The following HDGFL3 variants were observed in gnomAD, a reference collection of about 807,000 sequenced individuals.
HDGFL3 encodes HDGF like 3, also known as hepatoma-derived growth factor-related protein 3.
HDGFL3 carries 6 observed loss-of-function variants against 27.6 expected under a neutral mutation model. The ratio of observed to expected loss-of-function variants is 0.22; its 90% CI spans 0.12 to 0.43. The LOEUF (loss-of-function observed/expected upper bound fraction) is 0.43, where lower values mean the gene tolerates loss of function less well. Among genes scored for constraint, HDGFL3 ranks in the 20% least tolerant of loss-of-function variants. The probability of loss-of-function intolerance (pLI) is 1.00; values close to 1 mark genes in which losing one functional copy is unlikely to be tolerated. For missense variants in HDGFL3, 207 were observed against 250.1 expected (o/e 0.83, Z 1.16); for synonymous variants, 88 against 88.9 (o/e 0.99, Z 0.05).
At chr15:83,206,218 G>C (rs905641417) in intron 1 of HDGFL3, among the ~76,000 whole-genome samples, 3 of 152,022 alleles carry the variant, frequency 2.0e-5, no homozygotes, top group Non-Finnish European at 4.4e-5. Flanking sequence ...TTTGTGAATG[G>C]GTGTATTTTT....
intron 1 of HDGFL3, among the ~76,000 whole-genome samples, chr15:83,188,095 A>C (rs2037468298): frequency 6.6e-6 from 1 of 152,200 alleles, no homozygotes; most frequent in Admixed American, 6.5e-5. Flanking sequence ...CTTCCCTTCC[A>C]ATCTTTGACA....
chr15:83,126,850 C>T (rs2035796136), downstream of HDGFL3: 3 of 1,605,410 alleles, frequency 1.9e-6, no homozygotes, highest in African/African-American at 2.7e-5. Flanking sequence ...AAATTCAGGT[C>T]AAGTAGTTAT....
At chr15:83,165,171 G>GC (rs1282747222) in intron 1 of HDGFL3, among the ~76,000 whole-genome samples, 1 of 152,194 alleles carries the variant, frequency 6.6e-6, no homozygotes, top group African/African-American at 2.4e-5. Flanking sequence ...CAGGTGTCTA[G>GC]CAAGTGGGGA....
intron 2 of HDGFL3, among the ~76,000 whole-genome samples, chr15:83,163,373 G>C (rs2037124412): frequency 6.6e-6 from 1 of 152,132 alleles, no homozygotes; most frequent in Non-Finnish European, 1.5e-5. Flanking sequence ...TGTTTTAGCG[G>C]TTAATGACAG....
chr15:83,188,796 T>G (rs1375313612), intron 1 of HDGFL3, among the ~76,000 whole-genome samples: 1 of 152,144 alleles, frequency 6.6e-6, no homozygotes, highest in African/African-American at 2.4e-5. Flanking sequence ...GCCACCTGTA[T>G]GTTGATGAGT....
At position 83,138,703 on chromosome 15, in the gene HDGFL3, T is replaced by C. The variant is rs1053618522; in HGVS notation, c.*567A>G. On this transcript the variant is annotated 3_prime_UTR_variant, in exon 6 of 6. Transcript: ENST00000299633. The stretch of plus-strand genomic sequence containing the variant: ...TATGAATTTTGAGAAGTATAAGCTG[T>C]CAACTAGCTATTTCTAATACGGAAT... The C allele has an allele frequency of 2.0e-5, 3 of 152,490 alleles. No homozygotes were observed. Among genetic ancestry groups the C allele is most frequent in the African/African-American group, 4.8e-5 (2 of 41,458 alleles). The allele number at this position is 152,490 out of a possible 1,614,324, so 9.4% of individuals were successfully genotyped here. A position where few individuals can be genotyped will look rare whatever the true frequency, so the allele number is the denominator to read the frequency against.
At chr15:83,125,430 G>GA (rs1215613985), downstream of HDGFL3, among the ~76,000 whole-genome samples, 2 of 152,150 alleles carry the variant, frequency 1.3e-5, no homozygotes, top group Non-Finnish European at 2.9e-5. Context: ...TGTGGCCTTG[G>GA]AAAAACTACT....
At position 83,178,786 on chromosome 15, in the gene HDGFL3, A is replaced by C. The variant is rs150990732; in HGVS notation, c.85-14711T>G. Among the ~76,000 whole-genome samples, 958 of 152,350 alleles carry C rather than the reference A, an allele frequency of 6.3e-3. 8 individuals are homozygous for C. Among genetic ancestry groups the C allele is most frequent in the Admixed American group, 0.018 (270 of 15,302 alleles). On this transcript the variant is annotated intron_variant, in intron 1 of 5. Coordinates refer to ENST00000299633, the MANE Select transcript of HDGFL3 (RefSeq NM_016073.4). ...TGTTTCAATTAATTCATTATTTATT[A>C]TTCTCAGATGTCTATGCTCCTACGT...
intron 4 of HDGFL3, among the ~76,000 whole-genome samples, chr15:83,154,175 TAAAA>T (rs1205672927): frequency 1.5e-5 from 2 of 137,014 alleles, no homozygotes. Flanking sequence ...AAAGCAAAAA[TAAAA>T]AAGCAAAAAA....
At chr15:83,190,029 G>A (rs752208158) in intron 1 of HDGFL3, among the ~76,000 whole-genome samples, 12 of 151,830 alleles carry the variant, frequency 7.9e-5, no homozygotes, top group Non-Finnish European at 1.8e-4. Flanking sequence ...AACATAGTGA[G>A]ACCTCATCTC....
chr15:83,122,247 T>A (rs77383830), intron 3 of HDGFL3, among the ~76,000 whole-genome samples: 3,578 of 152,304 alleles, frequency 0.023, 130 homozygotes, highest in African/African-American at 0.081. Flanking sequence ...CCTGTTTTTT[T>A]AGAAGGATCT....
chr15:83,206,023 A>G (rs911294274), intron 1 of HDGFL3, among the ~76,000 whole-genome samples: 1 of 152,236 alleles, frequency 6.6e-6, no homozygotes, highest in Non-Finnish European at 1.5e-5. Context: ...AGCAATGGAT[A>G]TGCAGACAGT....
intron 4 of HDGFL3, among the ~76,000 whole-genome samples, chr15:83,153,810 A>C (rs544301807): frequency 6.6e-6 from 1 of 152,178 alleles, no homozygotes; most frequent in Non-Finnish European, 1.5e-5. Flanking sequence ...CCTTACTGCT[A>C]AAGAGAGAAG....
Position 83,158,044 on chromosome 15 carries a change from G to T in HDGFL3, c.162-3C>A, listed in dbSNP as rs749063928. On this transcript the variant is annotated splice_polypyrimidine_tract_variant and splice_region_variant and intron_variant, in intron 2 of 5. Coordinates refer to ENST00000299633, the MANE Select transcript of HDGFL3 (RefSeq NM_016073.4). ...GGTCTTTGGGACCTAGAAATGCACT[G>T]CAGAGACATATTAGAAATAGAATTG... 1 of 1,593,926 alleles carries T rather than the reference G, an allele frequency of 6.3e-7. No individual in the cohort carries two copies. Among genetic ancestry groups the T allele is most frequent in the South Asian group, 1.1e-5 (1 of 88,504 alleles).
chr15:83,169,444 A>AAAAG (rs2037217778), intron 1 of HDGFL3, among the ~76,000 whole-genome samples: 9 of 146,046 alleles, frequency 6.2e-5, no homozygotes, highest in African/African-American at 1.8e-4. Context: ...AAAAAAAAAA[A>AAAAG]AAAGAAAGAA....
At chr15:83,119,517 T>C in intron 3 of HDGFL3, 3 of 1,521,960 alleles carry the variant, frequency 2.0e-6, no homozygotes, top group Non-Finnish European at 2.7e-6. Flanking sequence ...GCAATACAGG[T>C]CTGATGTTCT....
chr15:83,143,169 C>A (rs933743318), intron 5 of HDGFL3, among the ~76,000 whole-genome samples: 1 of 152,054 alleles, frequency 6.6e-6, no homozygotes, highest in Non-Finnish European at 1.5e-5. Flanking sequence ...CATGCCACCA[C>A]GCCCAGCTAA....
chr15:83,204,503 A>G (rs777955557), intron 1 of HDGFL3, among the ~76,000 whole-genome samples: 3 of 152,204 alleles, frequency 2.0e-5, no homozygotes, highest in Non-Finnish European at 4.4e-5. Context: ...TGAAAGAGCA[A>G]GTAGAATGAA....
In HDGFL3 at chr15:83,193,662, A is replaced by G. The variant is rs80120817; in HGVS notation, c.84+13669T>C. ...GGACACACCTACCAGTGCCATGTCA[A>G]TTTACCGTTGCCAGCACAACATCTG... On this transcript the variant is annotated intron_variant, in intron 1 of 5. Coordinates refer to ENST00000299633, the MANE Select transcript of HDGFL3 (RefSeq NM_016073.4). Among the ~76,000 whole-genome samples, 836 of 152,344 alleles carry G rather than the reference A, an allele frequency of 5.5e-3. 9 individuals are homozygous for G. Among genetic ancestry groups the G allele is most frequent in the African/African-American group, 0.019 (806 of 41,586 alleles).
Sources: gnomAD v4.1 joint callset for allele counts (sites outside exome capture counted in the v4.1 genomes callset) on GRCh38, gnomAD v4.1.1 for gene constraint, MANE v1.5 for transcripts, NCBI Gene and HGNC (gene_info 2026-07-23, HGNC 2026-07-21) for gene names.